The following USP33 variants were observed in gnomAD, a reference collection of about 807,000 sequenced individuals.
The protein encoded by USP33 is ubiquitin carboxyl-terminal hydrolase 33.
A neutral mutation model predicts 124.2 loss-of-function variants in USP33; 46 were observed. The ratio of observed to expected loss-of-function variants is 0.37; its 90% CI spans 0.29 to 0.47. USP33 has a LOEUF of 0.47. USP33 is among the 20% of genes least tolerant of loss of function. The pLI is 0.99. For missense variants in USP33, 851 were observed against 1,070.6 expected (o/e 0.79, Z 2.86); for synonymous variants, 350 against 352.3 (o/e 0.99, Z 0.07).
At chr1:77,724,679 G>T (rs1016262127) in intron 11 of USP33, among the ~76,000 whole-genome samples, 2 of 152,054 alleles carry the variant, frequency 1.3e-5, no homozygotes, top group Admixed American at 6.5e-5. Flanking sequence ...ATAAATTTTA[G>T]AGCAACATTA....
At chr1:77,730,077 T>C (rs1677632836) in intron 8 of USP33, 139 bp from the exon 9 acceptor site, 2 of 746,184 alleles carry the variant, frequency 2.7e-6, no homozygotes, top group African/African-American at 1.8e-5. Context: ...CCTAATATTA[T>C]GTTTCACAGG....
chr1:77,708,043 T>C (rs1431060950), intron 21 of USP33, among the ~76,000 whole-genome samples: 1 of 152,220 alleles, frequency 6.6e-6, no homozygotes, highest in Non-Finnish European at 1.5e-5. Context: ...ATGCAACACA[T>C]ACTGGTGCAG....
intron 1 of USP33, among the ~76,000 whole-genome samples, chr1:77,758,201 GAC>G (rs1680985549): frequency 1.1e-5 from 1 of 90,920 alleles, no homozygotes; most frequent in African/African-American, 4.8e-5. Flanking sequence ...TTTTTTTTGA[GAC>G]AGAGTCTCGC....
intron 21 of USP33, among the ~76,000 whole-genome samples, chr1:77,706,822 G>A (rs911220257): frequency 2.0e-5 from 3 of 152,162 alleles, no homozygotes; most frequent in Admixed American, 6.6e-5. Flanking sequence ...TAGGAGTCAG[G>A]TAAAGGAAAT....
intron 1 of USP33, among the ~76,000 whole-genome samples, chr1:77,751,604 T>C (rs1383126370): frequency 6.6e-6 from 1 of 152,078 alleles, no homozygotes; most frequent in Non-Finnish European, 1.5e-5. Context: ...TTGCATGCAG[T>C]GAGCTGTGAT....
intron 11 of USP33, among the ~76,000 whole-genome samples, chr1:77,724,782 G>A (rs1288872240): frequency 6.6e-6 from 1 of 152,138 alleles, no homozygotes; most frequent in African/African-American, 2.4e-5. Flanking sequence ...ATTAGGCCGG[G>A]CATGGTGGCT....
chr1:77,720,139 C>T (rs994230781), intron 15 of USP33, among the ~76,000 whole-genome samples: 5 of 106,464 alleles, frequency 4.7e-5, no homozygotes, highest in East Asian at 3.2e-4. Context: ...TCAGCCTTGG[C>T]GACAGAATGA....
At position 77,729,955 on chromosome 1, in the gene USP33, T is replaced by TTA. The variant is rs751488043; in HGVS notation, c.639-18_639-17insTA. On this transcript the variant is annotated splice_polypyrimidine_tract_variant and intron_variant, in intron 8 of 23. Transcript: ENST00000370794. Reference sequence around the variant, plus strand: ...GATCCTGGCCTGAGCAAGAAAACATTTTTAAAGAGCAATTTTTGTTATTTT... The same window carrying TTA: ...GATCCTGGCCTGAGCAAGAAAACATTTATTTAAAGAGCAATTTTTGTTATTTT... 6.3e-7 allele frequency: 1 copy of TTA among 1,582,620 alleles called. No homozygotes were observed. Among genetic ancestry groups the TTA allele is most frequent in the Non-Finnish European group, 8.6e-7 (1 of 1,167,296 alleles).
At chr1:77,702,980 T>C (rs1055478404) in intron 21 of USP33, among the ~76,000 whole-genome samples, 2 of 152,064 alleles carry the variant, frequency 1.3e-5, no homozygotes, top group Non-Finnish European at 2.9e-5. Flanking sequence ...ATTCAATCCA[T>C]GGAACACACT....
rs576144896 is a variant in USP33 at position 77,740,697 on chromosome 1, C to T, written c.198+180G>A. ...ATCAGTGCTTTCTTAATCACAACCTCATTCTAATGTTCATCCTCCTAGCAA... is the reference window on the plus strand; with the variant it reads ...ATCAGTGCTTTCTTAATCACAACCTTATTCTAATGTTCATCCTCCTAGCAA... On this transcript the variant is annotated intron_variant, in intron 4 of 23. Coordinates refer to ENST00000370794, the MANE Select transcript of USP33 (RefSeq NM_201624.3). Among the ~76,000 whole-genome samples the T allele has an allele frequency of 1.5e-3, 221 of 152,292 alleles. 2 individuals are homozygous for T. The highest frequency in any genetic ancestry group is 5.1e-3 in the African/African-American group (211 of 41,584).
chr1:77,706,774 T>C (rs920532935), intron 21 of USP33, among the ~76,000 whole-genome samples: 1 of 152,154 alleles, frequency 6.6e-6, no homozygotes, highest in African/African-American at 2.4e-5. Context: ...TAGAAACCAA[T>C]ATATGGTGGT....
In USP33 at chr1:77,730,763, G is replaced by C. The variant is rs751702760; in HGVS notation, c.525-32C>G. On this transcript the variant is annotated intron_variant, in intron 7 of 23. Transcript: ENST00000370794. ...TTAAAAAGAGAAAAATGTTAGAGTG[G>C]AGTCAAAGCTAATACTGATTATTTC... 9 of 1,454,364 alleles carry C rather than the reference G, an allele frequency of 6.2e-6. No individual in the cohort carries two copies. The African/African-American group carries it at 1.0e-4, about 16-fold the overall frequency. 90.1% of individuals were successfully genotyped at this position (1,454,364 alleles called of 1,614,324 possible). A position where few individuals can be genotyped will look rare whatever the true frequency, so the allele number is the denominator to read the frequency against.
intron 12 of USP33, chr1:77,722,448 A>T (rs1676676576): frequency 6.5e-6 from 2 of 308,990 alleles, no homozygotes; most frequent in Admixed American, 9.5e-5. Context: ...TAGCATCCCC[A>T]TTACAATCAC....
At chr1:77,747,545 A>C (rs1679868715) in intron 1 of USP33, among the ~76,000 whole-genome samples, 1 of 152,164 alleles carries the variant, frequency 6.6e-6, no homozygotes, top group South Asian at 2.1e-4. Flanking sequence ...AGCATGAGCC[A>C]CTGCACCAAG....
At chr1:77,720,326 T>C in intron 15 of USP33, 1 of 985,426 alleles carries the variant, frequency 1.0e-6, no homozygotes, top group Non-Finnish European at 1.2e-6. Flanking sequence ...TTCACTGTTA[T>C]CTTTTTCTTA....
chr1:77,730,529 C>T (rs1042852583), intron 8 of USP33, 89 bp downstream of exon 8: 9 of 969,836 alleles, frequency 9.3e-6, no homozygotes, highest in Non-Finnish European at 7.1e-6. Flanking sequence ...TACTTTTTTC[C>T]GGCTCCATAA....
chr1:77,703,919 C>G (rs896051429), intron 21 of USP33, among the ~76,000 whole-genome samples: 2 of 151,994 alleles, frequency 1.3e-5, no homozygotes, highest in African/African-American at 4.8e-5. Context: ...CATCAGGAGG[C>G]TGATGTGGGG....
intron 21 of USP33, among the ~76,000 whole-genome samples, chr1:77,707,484 T>A (rs1378891243): frequency 6.6e-6 from 1 of 152,210 alleles, no homozygotes; most frequent in African/African-American, 2.4e-5. Context: ...TCCTTACATA[T>A]GCAAATACCC....
intron 16 of USP33, 129 bp from the exon 17 acceptor site, chr1:77,718,176 G>A (rs11162378): frequency 0.34 from 269,698 of 796,996 alleles, 51,892 homozygotes; most frequent in African/African-American, 0.68. Context: ...TTACAATTAT[G>A]AAGTTATTTA....
Sources: gnomAD v4.1 joint callset for allele counts (sites outside exome capture counted in the v4.1 genomes callset) on GRCh38, gnomAD v4.1.1 for gene constraint, MANE v1.5 for transcripts, NCBI Gene and HGNC (gene_info 2026-07-23, HGNC 2026-07-21) for gene names.